Variants in OSTN observed in about 807,000 individuals in gnomAD.
OSTN encodes the protein osteocrin.
OSTN carries 9 observed loss-of-function variants against 12.0 expected under a neutral mutation model. That is an observed-to-expected ratio of 0.75 (90% CI 0.45 to 1.30). OSTN has a LOEUF of 1.30. Ranked by LOEUF, OSTN falls within the 50% of genes most tolerant of loss-of-function variation. The pLI is 0.00. For synonymous variants in OSTN, 59 were observed against 56.9 expected, an observed-to-expected ratio of 1.04 and a Z score of -0.16; for missense variants, 148 against 152.3, an observed-to-expected ratio of 0.97 and a Z score of 0.15.
intron 3 of OSTN, among the ~76,000 whole-genome samples, chr3:191,231,068 C>T (rs1054374160): frequency 6.6e-6 from 1 of 152,070 alleles, no homozygotes; most frequent in Non-Finnish European, 1.5e-5. Flanking sequence ...AAGTTAAATT[C>T]CAAGGACACT....
At chr3:191,262,304 T>C (rs929016672) in intron 4 of OSTN, among the ~76,000 whole-genome samples, 3 of 152,244 alleles carry the variant, frequency 2.0e-5, no homozygotes, top group African/African-American at 7.2e-5. Context: ...GTGAGACACA[T>C]GTTGCTGAAT....
intron 1 of OSTN, among the ~76,000 whole-genome samples, chr3:191,210,866 G>A (rs945984972): frequency 1.3e-5 from 2 of 152,198 alleles, no homozygotes. Flanking sequence ...CCTGAGTAGA[G>A]CAATGCCCCA....
At chr3:191,238,702 T>A (rs894406640) in intron 3 of OSTN, among the ~76,000 whole-genome samples, 1 of 152,202 alleles carries the variant, frequency 6.6e-6, no homozygotes, top group African/African-American at 2.4e-5. Flanking sequence ...GCTGCCTTCT[T>A]ACACAGTGGG....
intron 2 of OSTN, among the ~76,000 whole-genome samples, chr3:191,215,679 G>A (rs1714590609): frequency 6.6e-6 from 1 of 152,090 alleles, no homozygotes; most frequent in African/African-American, 2.4e-5. Context: ...AACCTTTGGA[G>A]ATCATTCCAA....
chr3:191,220,501 G>A (rs1249897713), intron 3 of OSTN, among the ~76,000 whole-genome samples: 1 of 152,190 alleles, frequency 6.6e-6, no homozygotes, highest in Middle Eastern at 3.4e-3. Context: ...AAGAAATGAT[G>A]AAGAGAAAAG....
At chr3:191,210,209 C>G (rs1714383231) in intron 1 of OSTN, among the ~76,000 whole-genome samples, 1 of 152,162 alleles carries the variant, frequency 6.6e-6, no homozygotes, top group South Asian at 2.1e-4. Flanking sequence ...ATAACTCACT[C>G]TCAGGAGAGA....
At chr3:191,221,878 G>A (rs1321698638) in intron 3 of OSTN, among the ~76,000 whole-genome samples, 1 of 152,248 alleles carries the variant, frequency 6.6e-6, no homozygotes, top group Non-Finnish European at 1.5e-5. Flanking sequence ...ATAGGCCTAG[G>A]AGGGATAAAT....
intron 1 of OSTN, among the ~76,000 whole-genome samples, chr3:191,210,838 T>G (rs1465866581): frequency 6.6e-6 from 1 of 152,224 alleles, no homozygotes; most frequent in Non-Finnish European, 1.5e-5. Flanking sequence ...TTGTTCTAGC[T>G]CATACTCCAC....
intron 1 of OSTN, among the ~76,000 whole-genome samples, chr3:191,211,750 G>T (rs907927350): frequency 7.2e-5 from 11 of 152,070 alleles, no homozygotes; most frequent in Non-Finnish European, 1.5e-4. Flanking sequence ...ATTGTGGAAG[G>T]TTTTGTCCCT....
chr3:191,209,790 T>G (rs1341435244), intron 1 of OSTN, among the ~76,000 whole-genome samples: 1 of 152,216 alleles, frequency 6.6e-6, no homozygotes. Flanking sequence ...TGTTGTTGTT[T>G]TTTTAGGAAT....
intron 4 of OSTN, 64 bp downstream of exon 4, chr3:191,250,197 A>G (rs1379903271): frequency 8.2e-7 from 1 of 1,220,612 alleles, no homozygotes; most frequent in Non-Finnish European, 1.2e-6. Context: ...ACAATGGACT[A>G]ATCAATCCAT....
intron 1 of OSTN, among the ~76,000 whole-genome samples, chr3:191,203,801 T>C (rs1714206765): frequency 3.3e-5 from 5 of 152,242 alleles, no homozygotes; most frequent in Admixed American, 3.3e-4. Context: ...GCTCTTCTTC[T>C]AACTGGCTTT....
chr3:191,218,902 T>G lies in OSTN; in HGVS notation c.258T>G (p.Gly86=). Residue 86 remains glycine, a synonymous_variant, in exon 3 of 5, where the codon GGT becomes GGG. Transcript: ENST00000682035. ...IETKKKRSFS[G]FGSPLDRLSA... is the part of the protein sequence containing the mutation. ...CAAAGAAGAAAAGGAGTTTCTCTGG[T>G]TTTGGGTCTCCCCTTGACAGACTCT... The G allele has an allele frequency of 1.9e-6, 3 of 1,614,058 alleles. No homozygotes were observed. The highest frequency in any genetic ancestry group is 2.5e-6 in the Non-Finnish European group (3 of 1,179,970).
intron 3 of OSTN, among the ~76,000 whole-genome samples, chr3:191,242,361 A>T (rs1715340495): frequency 6.6e-6 from 1 of 152,214 alleles, no homozygotes; most frequent in African/African-American, 2.4e-5. Flanking sequence ...GGATAGTAAG[A>T]CTCAATATCA....
chr3:191,238,425 T>C (rs997022162), intron 3 of OSTN, among the ~76,000 whole-genome samples: 1 of 152,160 alleles, frequency 6.6e-6, no homozygotes, highest in Admixed American at 6.5e-5. Flanking sequence ...ACATTTTACA[T>C]ATGACAAGAG....
chr3:191,225,776 G>A (rs1714893787), intron 3 of OSTN, among the ~76,000 whole-genome samples: 1 of 151,940 alleles, frequency 6.6e-6, no homozygotes, highest in African/African-American at 2.4e-5. Context: ...CTAAACAGTG[G>A]GTACCCATGG....
chr3:191,258,406 T>C lies in OSTN; in HGVS notation c.*13-4460T>C, dbSNP rs73055349. On this transcript the variant is annotated intron_variant, in intron 4 of 4. Transcript: ENST00000682035. ...GCAGTTAAAAGGCAAAGCATTTAGA[T>C]GTTTAAAAAGCAAGGGTTTCTGAGA... 2.3e-3 allele frequency among the ~76,000 whole-genome samples: 346 copies of C among 152,196 alleles called. 4 individuals carry two copies. The highest frequency in any genetic ancestry group is 8.1e-3 in the African/African-American group (336 of 41,518).
At chr3:191,254,293 G>A (rs1305583318) in intron 4 of OSTN, among the ~76,000 whole-genome samples, 2 of 152,262 alleles carry the variant, frequency 1.3e-5, no homozygotes, top group Non-Finnish European at 2.9e-5. Context: ...TCTTCAGAAT[G>A]CAATGGCAAT....
intron 4 of OSTN, among the ~76,000 whole-genome samples, chr3:191,259,302 C>A (rs1399974846): frequency 6.6e-6 from 1 of 151,574 alleles, no homozygotes; most frequent in Non-Finnish European, 1.5e-5. Flanking sequence ...CCAAGAAATT[C>A]TTCTGCCTCA....
Sources: allele counts gnomAD v4.1 joint callset (sites outside exome capture counted in the v4.1 genomes callset), GRCh38; gene constraint gnomAD v4.1.1; transcripts MANE v1.5; gene names NCBI Gene and HGNC (gene_info 2026-07-23, HGNC 2026-07-21).